The following CFI variants were observed in gnomAD, a reference collection of about 807,000 sequenced individuals.
CFI encodes the protein complement factor I.
CFI carries 66 observed loss-of-function variants against 78.8 expected under a neutral mutation model. The ratio of observed to expected loss-of-function variants is 0.84; its 90% CI spans 0.69 to 1.03. The LOEUF (loss-of-function observed/expected upper bound fraction) is 1.03. Among genes scored for constraint, CFI ranks in the 50% least tolerant of loss-of-function variants. The pLI is 0.00. For missense variants in CFI, 706 were observed against 704.5 expected, an observed-to-expected ratio of 1.00 and a Z score of -0.02; for synonymous variants, 250 against 232.6, an observed-to-expected ratio of 1.07 and a Z score of -0.68.
intron 1 of CFI, among the ~76,000 whole-genome samples, chr4:109,775,455 G>A (rs1299372410): frequency 6.6e-6 from 1 of 152,214 alleles, no homozygotes; most frequent in African/African-American, 2.4e-5. Context: ...TGGGGGAGGG[G>A]CGTCTGCCAT....
At chr4:109,776,272 C>T (rs577478807) in intron 1 of CFI, among the ~76,000 whole-genome samples, 2 of 152,200 alleles carry the variant, frequency 1.3e-5, no homozygotes, top group South Asian at 4.2e-4. Flanking sequence ...TAGAGAAGTC[C>T]TTAAATGACC....
chr4:109,765,670 G>A (rs933793000), intron 2 of CFI, among the ~76,000 whole-genome samples: 7 of 152,168 alleles, frequency 4.6e-5, no homozygotes, highest in African/African-American at 1.7e-4. Flanking sequence ...GAAGCACCTG[G>A]AAGGGACTGT....
chr4:109,779,843 A>G (rs539052163), intron 1 of CFI, among the ~76,000 whole-genome samples: 1 of 152,264 alleles, frequency 6.6e-6, no homozygotes, highest in East Asian at 1.9e-4. Context: ...ATCAACAACC[A>G]TCTGATCTTT....
chr4:109,773,116 G>A (rs1400330759), intron 1 of CFI, among the ~76,000 whole-genome samples: 1 of 152,132 alleles, frequency 6.6e-6, no homozygotes. Context: ...ATGTGATCAT[G>A]GGAACACAAA....
chr4:109,797,298 AC>A (rs1425133319), intron 1 of CFI, among the ~76,000 whole-genome samples: 1 of 152,238 alleles, frequency 6.6e-6, no homozygotes, highest in Admixed American at 6.5e-5. Context: ...CTGCTCTTCA[AC>A]AAGGGAGCCA....
In CFI at chr4:109,746,511, GA is replaced by G. The variant is rs746544011; in HGVS notation, c.1149-10del. On this transcript the variant is annotated splice_polypyrimidine_tract_variant and intron_variant, in intron 10 of 12. Transcript: ENST00000394634. ...GATGAGTTTTACTGGCTCTATAACA[GA>G]AAAAAAAAGGAAATAAAATATATTG... 143 of 1,523,726 alleles carry G rather than the reference GA, an allele frequency of 9.4e-5. No homozygotes were observed. The highest frequency in any genetic ancestry group is 2.6e-4 in the Admixed American group (13 of 49,334). The allele number at this position is 1,523,726 out of a possible 1,614,324, so 94.4% of individuals were successfully genotyped here.
Position 109,775,018 on chromosome 4 carries a change from AG to A in CFI, c.58-8195del. Among the ~76,000 whole-genome samples the A allele has an allele frequency of 1.3e-5, 2 of 152,284 alleles. 1 individual carries two copies. Among genetic ancestry groups the A allele is most frequent in the South Asian group, 4.1e-4 (2 of 4,824 alleles). ...GTGTCATTATTGTCATTCAGTTCAAAGAATTTTTAAATTTCCAACTTGAGGA... is the reference window on the plus strand; with the variant it reads ...GTGTCATTATTGTCATTCAGTTCAAAAATTTTTAAATTTCCAACTTGAGGA... On this transcript the variant is annotated intron_variant, in intron 1 of 12. Transcript: ENST00000394634.
At chr4:109,763,496 A>C (rs1727337154) in intron 3 of CFI, among the ~76,000 whole-genome samples, 1 of 152,110 alleles carries the variant, frequency 6.6e-6, no homozygotes, top group African/African-American at 2.4e-5. Flanking sequence ...AAATTCAACA[A>C]TGTAAGTAAG....
intron 10 of CFI, 53 bp from the exon 11 acceptor site, chr4:109,746,555 G>T (rs1724485776): frequency 1.5e-6 from 2 of 1,369,536 alleles, no homozygotes; most frequent in Non-Finnish European, 2.0e-6. Context: ...ATATAAATAG[G>T]AATTCTGACA....
intron 1 of CFI, among the ~76,000 whole-genome samples, chr4:109,789,405 A>G (rs1356420156): frequency 2.6e-5 from 4 of 151,650 alleles, no homozygotes; most frequent in Non-Finnish European, 5.9e-5. Context: ...GAAACCAATA[A>G]CTAAGAGAAA....
At chr4:109,789,450 T>C (rs1220252367) in intron 1 of CFI, among the ~76,000 whole-genome samples, 2 of 152,012 alleles carry the variant, frequency 1.3e-5, no homozygotes, top group Non-Finnish European at 2.9e-5. Flanking sequence ...AGACACTATG[T>C]ACAGAGAAAC....
downstream of CFI, among the ~76,000 whole-genome samples, chr4:109,740,441 C>G (rs1249549318): frequency 6.6e-6 from 1 of 152,022 alleles, no homozygotes; most frequent in Non-Finnish European, 1.5e-5. Context: ...CAGTTATTAC[C>G]CTGTGACAGG....
chr4:109,762,938 A>G (rs931804731), intron 3 of CFI, among the ~76,000 whole-genome samples: 12 of 152,200 alleles, frequency 7.9e-5, no homozygotes, highest in African/African-American at 2.9e-4. Context: ...AGAATCTACC[A>G]GTAGGTTGAA....
intron 7 of CFI, among the ~76,000 whole-genome samples, chr4:109,756,884 GAAAGGAAAGAAAGAAAGAAAGAAA>G (rs1561297371): frequency 1.3e-4 from 16 of 120,050 alleles, no homozygotes; most frequent in Non-Finnish European, 2.0e-4. Flanking sequence ...AAGAAAGAAA[GAAAGGAAAGAAAGAAAGAAAGAAA>G]GAAAGAAAGA....
chr4:109,745,182 T>C (rs1012173253), intron 11 of CFI, among the ~76,000 whole-genome samples: 1 of 152,170 alleles, frequency 6.6e-6, no homozygotes, highest in African/African-American at 2.4e-5. Flanking sequence ...TTTTTTTCTG[T>C]TATGCTTGTG....
downstream of CFI, among the ~76,000 whole-genome samples, chr4:109,737,710 G>A (rs1005578925): frequency 1.3e-5 from 2 of 152,162 alleles, no homozygotes; most frequent in African/African-American, 4.8e-5. Flanking sequence ...CCTGCAGTGT[G>A]GTCTGTGAGC....
rs191430964 is a variant in CFI, at chr4:109,776,288, G to T, written c.58-9464C>A. 5.3e-3 allele frequency among the ~76,000 whole-genome samples: 814 copies of T among 152,268 alleles called. 7 individuals carry two copies. Among genetic ancestry groups the T allele is most frequent in the African/African-American group, 0.019 (779 of 41,554 alleles). ...AGAGAAGTCCTTAAATGACCTGATG[G>T]AGCTGAAAACCATGGCACAAGAACT... is the stretch of plus-strand genomic sequence containing the variant. On this transcript the variant is annotated intron_variant, in intron 1 of 12. Transcript: ENST00000394634.
At chr4:109,762,561 A>T (rs1010212412) in intron 3 of CFI, 3 of 152,206 alleles carry the variant, frequency 2.0e-5, no homozygotes, top group African/African-American at 4.8e-5. Context: ...GGTTAAAAAT[A>T]AAAAATTGAG....
Position 109,753,829 on chromosome 4 carries a change from T to A in CFI, c.905-1326A>T, listed in dbSNP as rs1306315760. On this transcript the variant is annotated intron_variant, in intron 7 of 12. Coordinates refer to ENST00000394634, the MANE Select transcript of CFI (RefSeq NM_000204.5). ...CTAATGTATAATTTTATATTATATATTATATAATGTATAATCTTATATTAT... is the reference window on the plus strand; with the variant it reads ...CTAATGTATAATTTTATATTATATAATATATAATGTATAATCTTATATTAT... Among the ~76,000 whole-genome samples, 5 of 50,484 alleles carry A rather than the reference T, an allele frequency of 9.9e-5. No individual in the cohort carries two copies. The Admixed American group carries it at 1.1e-3, about 11-fold the overall frequency. 33.1% of individuals were successfully genotyped at this position (50,484 alleles called of 152,430 possible).
Sources: allele counts gnomAD v4.1 joint callset (sites outside exome capture counted in the v4.1 genomes callset), GRCh38; gene constraint gnomAD v4.1.1; transcripts MANE v1.5; gene names NCBI Gene and HGNC (gene_info 2026-07-23, HGNC 2026-07-21).